Variants in CCDC126 observed in about 807,000 individuals in gnomAD.
The protein encoded by CCDC126 is coiled-coil domain-containing protein 126.
In CCDC126, 5 loss-of-function variants were observed where a neutral mutation model predicts 11.7. The observed-to-expected ratio is 0.43, with a 90% CI of 0.22 to 0.90. The LOEUF is 0.90. CCDC126 is among the 40% of genes least tolerant of loss of function. The pLI is 0.27. For synonymous variants in CCDC126, 60 were observed against 61.9 expected (o/e 0.97, Z 0.14); for missense variants, 150 against 163.1 (o/e 0.92, Z 0.44).
At chr7:23,601,665 AAGTTGTTCT>A (rs1782546799) in intron 2 of CCDC126, among the ~76,000 whole-genome samples, 1 of 152,060 alleles carries the variant, frequency 6.6e-6, no homozygotes, top group Admixed American at 6.6e-5. Context: ...CTTTATAATG[AAGTTGTTCT>A]AGTTTAAATA....
chr7:23,622,239 A>G (rs1045263973), intron 3 of CCDC126, among the ~76,000 whole-genome samples: 2 of 152,166 alleles, frequency 1.3e-5, no homozygotes, highest in Admixed American at 1.3e-4. Flanking sequence ...TAAGCTATTA[A>G]TTATTGCCTC....
intron 3 of CCDC126, among the ~76,000 whole-genome samples, chr7:23,617,237 A>G (rs2128017088): frequency 6.6e-6 from 1 of 150,682 alleles, no homozygotes; most frequent in South Asian, 2.1e-4. Flanking sequence ...AATCCTAGCT[A>G]CTCGGGAGGC....
chr7:23,621,568 T>A (rs1782898035), intron 3 of CCDC126, among the ~76,000 whole-genome samples: 1 of 152,224 alleles, frequency 6.6e-6, no homozygotes, highest in African/African-American at 2.4e-5. Context: ...GAATACTCTT[T>A]ATTTCTTTCT....
At position 23,644,196 on chromosome 7, in the gene CCDC126, A is replaced by G. The variant is rs908592142; in HGVS notation, c.*1081A>G. On this transcript the variant is annotated 3_prime_UTR_variant, in exon 4 of 4. Transcript: ENST00000307471. ...TCATTTTATATAATGGCCACTTAAA[A>G]TAAGAACATTTAAAATATAAACTAT... is the stretch of plus-strand genomic sequence containing the variant. 2.0e-5 allele frequency: 3 copies of G among 152,180 alleles called. No homozygotes were observed. Among genetic ancestry groups the G allele is most frequent in the Non-Finnish European group, 4.4e-5 (3 of 67,934 alleles). 9.4% of individuals were successfully genotyped at this position (152,180 alleles called of 1,614,324 possible). A position where few individuals can be genotyped will look rare whatever the true frequency, so the allele number is the denominator to read the frequency against.
intron 3 of CCDC126, among the ~76,000 whole-genome samples, chr7:23,637,031 G>C (rs1271034929): frequency 1.1e-5 from 1 of 92,740 alleles, no homozygotes; most frequent in Non-Finnish European, 2.2e-5. Flanking sequence ...GGGGGAGGGG[G>C]GGTCAGCCCC....
Position 23,644,590 on chromosome 7 carries a change from TTA to T in CCDC126, c.*1479_*1480del, listed in dbSNP as rs1188347861. The stretch of plus-strand genomic sequence containing the variant: ...GTCTACCTTTATGTGAAGAAATTAA[TTA>T]TATGCCATTGCCAGGTAGAAGTTTG... On this transcript the variant is annotated 3_prime_UTR_variant, in exon 4 of 4. Coordinates refer to ENST00000307471, the MANE Select transcript of CCDC126 (RefSeq NM_138771.4). 2.0e-5 allele frequency: 3 copies of T among 152,574 alleles called. No individual in the cohort carries two copies. The highest frequency in any genetic ancestry group is 4.4e-5 in the Non-Finnish European group (3 of 67,968). 9.5% of individuals were successfully genotyped at this position (152,574 alleles called of 1,614,324 possible).
At chr7:23,628,875 C>T (rs1783058166) in intron 3 of CCDC126, among the ~76,000 whole-genome samples, 1 of 152,112 alleles carries the variant, frequency 6.6e-6, no homozygotes, top group Non-Finnish European at 1.5e-5. Flanking sequence ...CCTGGAACTC[C>T]CTTCTCCACC....
intron 2 of CCDC126, among the ~76,000 whole-genome samples, chr7:23,601,290 G>A (rs1782538626): frequency 6.6e-6 from 1 of 152,106 alleles, no homozygotes; most frequent in Non-Finnish European, 1.5e-5. Context: ...CTGAGGCAGG[G>A]GCAAGGGTGG....
At chr7:23,632,805 T>C (rs1358872123) in intron 3 of CCDC126, among the ~76,000 whole-genome samples, 1 of 152,264 alleles carries the variant, frequency 6.6e-6, no homozygotes, top group Non-Finnish European at 1.5e-5. Flanking sequence ...AATCTCAGAA[T>C]TCCTATTAGA....
chr7:23,643,034 C>G lies in CCDC126; in HGVS notation c.342C>G (p.Ala114=). ...ATATTGTTGTGAATGGCTCAGCAGCCAACACCACCAATGGTACTAGTGGGA... is the reference window on the plus strand; with the variant it reads ...ATATTGTTGTGAATGGCTCAGCAGCGAACACCACCAATGGTACTAGTGGGA... The part of the protein sequence containing the change: ...VDYIVVNGSA[A]NTTNGTSGNL... Residue 114 remains alanine (A), a synonymous_variant, in exon 4 of 4, where the codon GCC becomes GCG. Coordinates refer to ENST00000307471, the MANE Select transcript of CCDC126 (RefSeq NM_138771.4). 1 of 1,614,080 alleles carries G rather than the reference C, an allele frequency of 6.2e-7. No individual in the cohort carries two copies. Among genetic ancestry groups the G allele is most frequent in the Non-Finnish European group, 8.5e-7 (1 of 1,179,972 alleles).
At position 23,613,727 on chromosome 7, in the gene CCDC126, A is replaced by T. The variant is rs537645004; in HGVS notation, c.238+2174A>T. ...TGTTGATGGTATTCATTATTGAGCCATATAAAGGCATACCTCAGAGATACT... is the reference window on the plus strand; with the variant it reads ...TGTTGATGGTATTCATTATTGAGCCTTATAAAGGCATACCTCAGAGATACT... On this transcript the variant is annotated intron_variant, in intron 3 of 3. Transcript: ENST00000307471. 1.2e-4 allele frequency among the ~76,000 whole-genome samples: 18 copies of T among 152,326 alleles called. No individual in the cohort carries two copies. The South Asian group carries it at 3.7e-3, about 32-fold the overall frequency.
intron 3 of CCDC126, among the ~76,000 whole-genome samples, chr7:23,628,392 A>G (rs1652568381): frequency 6.6e-6 from 1 of 152,208 alleles, no homozygotes; most frequent in South Asian, 2.1e-4. Flanking sequence ...GCAAAGACAG[A>G]AAAAGCCCCA....
At chr7:23,621,952 G>T (rs1782909616) in intron 3 of CCDC126, among the ~76,000 whole-genome samples, 1 of 152,180 alleles carries the variant, frequency 6.6e-6, no homozygotes, top group Non-Finnish European at 1.5e-5. Context: ...AGGTGGATAA[G>T]CTTTTTGGTG....
At chr7:23,640,184 A>G (rs919834667) in intron 3 of CCDC126, among the ~76,000 whole-genome samples, 5 of 150,586 alleles carry the variant, frequency 3.3e-5, no homozygotes, top group East Asian at 1.9e-4. Flanking sequence ...CTCCGTCTCA[A>G]AAAAAATAAT....
At chr7:23,636,785 C>A (rs1456232577) in intron 3 of CCDC126, among the ~76,000 whole-genome samples, 2 of 141,700 alleles carry the variant, frequency 1.4e-5, no homozygotes, top group African/African-American at 2.7e-5. Flanking sequence ...GGGGGTCAGC[C>A]CCCCGCCCGG....
intron 2 of CCDC126, among the ~76,000 whole-genome samples, chr7:23,606,865 G>C (rs1782631252): frequency 6.6e-6 from 1 of 151,880 alleles, no homozygotes; most frequent in Non-Finnish European, 1.5e-5. Flanking sequence ...GAGGCCAGGT[G>C]ATCACGTGAT....
rs979544394 is a variant in CCDC126, at chr7:23,644,675, T to C, written c.*1560T>C. 2 of 152,554 alleles carry C rather than the reference T, an allele frequency of 1.3e-5. No individual in the cohort carries two copies. Among genetic ancestry groups the C allele is most frequent in the African/African-American group, 4.8e-5 (2 of 41,464 alleles). 9.5% of individuals were successfully genotyped at this position (152,554 alleles called of 1,614,324 possible). ...GACATTTTTGTTTTTGTTTTTGTTT[T>C]CAGGGATGAAATAAAATATATTATT... On this transcript the variant is annotated 3_prime_UTR_variant, in exon 4 of 4. Coordinates refer to ENST00000307471, the MANE Select transcript of CCDC126 (RefSeq NM_138771.4).
chr7:23,601,136 C>T (rs766801491), intron 2 of CCDC126, among the ~76,000 whole-genome samples: 1 of 151,984 alleles, frequency 6.6e-6, no homozygotes, highest in East Asian at 1.9e-4. Flanking sequence ...GTAATCCCAG[C>T]GCTTTGGGAA....
intron 3 of CCDC126, among the ~76,000 whole-genome samples, chr7:23,632,067 A>G (rs1783125239): frequency 6.6e-6 from 1 of 152,012 alleles, no homozygotes; most frequent in East Asian, 1.9e-4. Flanking sequence ...ATTCAGCAGC[A>G]TATAAGAAAA....
Sources: gnomAD v4.1 joint callset for allele counts (sites outside exome capture counted in the v4.1 genomes callset) on GRCh38, gnomAD v4.1.1 for gene constraint, MANE v1.5 for transcripts, NCBI Gene and HGNC (gene_info 2026-07-23, HGNC 2026-07-21) for gene names.